The following TSPAN13 variants were observed in gnomAD, a reference collection of about 807,000 sequenced individuals.
The protein encoded by TSPAN13 is tetraspanin 13, also known as tetraspanin-13.
A neutral mutation model predicts 26.9 loss-of-function variants in TSPAN13; 18 were observed. The ratio of observed to expected loss-of-function variants is 0.67; its 90% CI spans 0.46 to 0.99. TSPAN13 has a LOEUF of 0.99. Among genes scored for constraint, TSPAN13 ranks in the 50% least tolerant of loss-of-function variants. The probability of loss-of-function intolerance (pLI) is 0.00; values close to 1 mark genes in which losing one functional copy is unlikely to be tolerated. For missense variants in TSPAN13, 201 were observed against 249.6 expected (o/e 0.81, Z 1.31); for synonymous variants, 116 against 98.4 (o/e 1.18, Z -1.06).
At chr7:16,771,028 G>T (rs984299048) in intron 1 of TSPAN13, among the ~76,000 whole-genome samples, 7 of 152,140 alleles carry the variant, frequency 4.6e-5, no homozygotes, top group African/African-American at 1.7e-4. Flanking sequence ...TCCCAGTTAT[G>T]CAAGGGTCTC....
At chr7:16,764,511 G>A (rs1784584971) in intron 1 of TSPAN13, among the ~76,000 whole-genome samples, 1 of 151,982 alleles carries the variant, frequency 6.6e-6, no homozygotes, top group Non-Finnish European at 1.5e-5. Context: ...GCTTGTATGT[G>A]AATGTACGTG....
At chr7:16,771,569 ATGATATGCTCC>A in intron 1 of TSPAN13, among the ~76,000 whole-genome samples, 1 of 152,340 alleles carries the variant, frequency 6.6e-6, no homozygotes, top group East Asian at 1.9e-4. Context: ...GGGTTTGAAC[ATGATATGCTCC>A]TGGCTTTGAA....
chr7:16,772,944 C>T (rs964387492), intron 1 of TSPAN13, among the ~76,000 whole-genome samples: 1 of 151,798 alleles, frequency 6.6e-6, no homozygotes, highest in Non-Finnish European at 1.5e-5. Context: ...CGCAGTGAGC[C>T]GAAATTGCGC....
intron 1 of TSPAN13, among the ~76,000 whole-genome samples, chr7:16,762,453 G>A (rs890588237): frequency 1.3e-5 from 2 of 152,068 alleles, no homozygotes; most frequent in African/African-American, 4.8e-5. Context: ...GAATAACCTC[G>A]GGCGATAATC....
At chr7:16,780,162 C>T (rs1784799675) in intron 5 of TSPAN13, among the ~76,000 whole-genome samples, 2 of 151,868 alleles carry the variant, frequency 1.3e-5, no homozygotes, top group Admixed American at 6.6e-5. Flanking sequence ...TGTAGTGGTG[C>T]AATCTCGGCT....
chr7:16,766,867 A>G (rs892267883), intron 1 of TSPAN13, among the ~76,000 whole-genome samples: 3 of 152,240 alleles, frequency 2.0e-5, no homozygotes, highest in Non-Finnish European at 4.4e-5. Context: ...TCATATGCTC[A>G]GGAAATAATA....
chr7:16,762,534 C>G (rs917103416), intron 1 of TSPAN13, among the ~76,000 whole-genome samples: 1 of 152,166 alleles, frequency 6.6e-6, no homozygotes, highest in Non-Finnish European at 1.5e-5. Flanking sequence ...AAACAAAGGA[C>G]AGCCAGCATA....
At position 16,783,665 on chromosome 7, in the gene TSPAN13, T is replaced by G; in HGVS notation, c.*174T>G. ...TTCTCTACATGTTTTTTTCTTTCCG[T>G]TGCTGAAAAATATTTGAAACTTGTG... On this transcript the variant is annotated 3_prime_UTR_variant, in exon 6 of 6. Coordinates refer to ENST00000262067, the MANE Select transcript of TSPAN13 (RefSeq NM_014399.4). 1 of 651,646 alleles carries G rather than the reference T, an allele frequency of 1.5e-6. No individual in the cohort carries two copies. The highest frequency in any genetic ancestry group is 2.6e-6 in the Non-Finnish European group (1 of 388,966). The allele number at this position is 651,646 out of a possible 1,614,324, so 40.4% of individuals were successfully genotyped here. A position where few individuals can be genotyped will look rare whatever the true frequency, so the allele number is the denominator to read the frequency against.
At chr7:16,766,263 T>C (rs1784601945) in intron 1 of TSPAN13, among the ~76,000 whole-genome samples, 1 of 152,214 alleles carries the variant, frequency 6.6e-6, no homozygotes, top group Admixed American at 6.5e-5. Flanking sequence ...CATTAGAAAA[T>C]TGATTAGCAC....
intron 4 of TSPAN13, among the ~76,000 whole-genome samples, chr7:16,778,701 A>C (rs1784781899): frequency 6.6e-6 from 1 of 152,218 alleles, no homozygotes; most frequent in African/African-American, 2.4e-5. Context: ...CATTCTGTTA[A>C]GATGGAGTCT....
intron 1 of TSPAN13, among the ~76,000 whole-genome samples, chr7:16,762,784 A>G (rs1448409378): frequency 6.6e-6 from 1 of 152,248 alleles, no homozygotes; most frequent in East Asian, 1.9e-4. Flanking sequence ...CAAATTACAT[A>G]TAAAACTCTA....
intron 1 of TSPAN13, among the ~76,000 whole-genome samples, chr7:16,768,736 A>G (rs1204644501): frequency 6.6e-6 from 1 of 152,240 alleles, no homozygotes. Context: ...TGGTTGTCAC[A>G]AGGCTACTTA....
chr7:16,774,145 G>A (rs1049114888), intron 1 of TSPAN13, among the ~76,000 whole-genome samples: 7 of 152,172 alleles, frequency 4.6e-5, no homozygotes, highest in African/African-American at 1.7e-4. Context: ...AAGGAATTCT[G>A]CTTGAGTTTC....
intron 1 of TSPAN13, among the ~76,000 whole-genome samples, chr7:16,755,968 G>A (rs1228485032): frequency 2.0e-5 from 3 of 151,994 alleles, no homozygotes; most frequent in Non-Finnish European, 4.4e-5. Flanking sequence ...GAAATTCACG[G>A]GACAATAAAA....
rs1318984819 is a variant in TSPAN13 at position 16,771,706 on chromosome 7, T to G, written c.64-4505T>G. Among the ~76,000 whole-genome samples the G allele has an allele frequency of 2.6e-5, 4 of 152,320 alleles. No individual in the cohort carries two copies. In the East Asian group the frequency reaches 7.7e-4, roughly 29 times the overall value. ...GGAGTACAACCTGACCAACACAGCCTCCAGAACTGTAAGGCAATACATTTG... is the reference window on the plus strand; with the variant it reads ...GGAGTACAACCTGACCAACACAGCCGCCAGAACTGTAAGGCAATACATTTG... On this transcript the variant is annotated intron_variant, in intron 1 of 5. Transcript: ENST00000262067.
intron 1 of TSPAN13, among the ~76,000 whole-genome samples, chr7:16,754,594 A>G (rs1784461563): frequency 6.6e-6 from 1 of 152,168 alleles, no homozygotes; most frequent in African/African-American, 2.4e-5. Flanking sequence ...CTCACAGTAA[A>G]GGGATGTCTT....
chr7:16,765,636 A>T (rs1784596537), intron 1 of TSPAN13, among the ~76,000 whole-genome samples: 1 of 152,134 alleles, frequency 6.6e-6, no homozygotes, highest in Admixed American at 6.5e-5. Context: ...TTTTTATATG[A>T]TTCACCTTTC....
chr7:16,757,491 A>G lies in TSPAN13; in HGVS notation c.63+3461A>G, dbSNP rs563319819. ...CTTCTTAACCAGAGAAGAAAGCTCTATTAAAAACAAACAACCAAAAAAAAG... is the reference window on the plus strand; with the variant it reads ...CTTCTTAACCAGAGAAGAAAGCTCTGTTAAAAACAAACAACCAAAAAAAAG... On this transcript the variant is annotated intron_variant, in intron 1 of 5. Coordinates refer to ENST00000262067, the MANE Select transcript of TSPAN13 (RefSeq NM_014399.4). Among the ~76,000 whole-genome samples, 9 of 141,662 alleles carry G rather than the reference A, an allele frequency of 6.4e-5. No individual in the cohort carries two copies. The South Asian group carries it at 1.3e-3, about 20-fold the overall frequency. The allele number at this position is 141,662 out of a possible 152,430, so 92.9% of individuals were successfully genotyped here. A position where few individuals can be genotyped will look rare whatever the true frequency, so the allele number is the denominator to read the frequency against.
chr7:16,761,610 T>G (rs1452433655), intron 1 of TSPAN13, among the ~76,000 whole-genome samples: 1 of 151,814 alleles, frequency 6.6e-6, no homozygotes, highest in Non-Finnish European at 1.5e-5. Flanking sequence ...CTTGAACCCC[T>G]GGGCCCAAGC....
Sources: allele counts gnomAD v4.1 joint callset (sites outside exome capture counted in the v4.1 genomes callset), GRCh38; gene constraint gnomAD v4.1.1; transcripts MANE v1.5; gene names NCBI Gene and HGNC (gene_info 2026-07-23, HGNC 2026-07-21).